Variants in PARD3B observed in about 807,000 individuals in gnomAD.
PARD3B encodes the protein par-3 family cell polarity regulator beta, also known as partitioning defective 3 homolog B.
A neutral mutation model predicts 130.2 loss-of-function variants in PARD3B; 103 were observed. The observed-to-expected ratio is 0.79, with a 90% CI of 0.67 to 0.93. PARD3B has a LOEUF of 0.93. Among genes scored for constraint, PARD3B ranks in the 40% least tolerant of loss-of-function variants. The pLI, the probability that PARD3B is intolerant of heterozygous loss-of-function variation, is 0.00. For missense variants in PARD3B, 1,609 were observed against 1,499.2 expected, an observed-to-expected ratio of 1.07 and a Z score of -1.21; for synonymous variants, 583 against 553.2, an observed-to-expected ratio of 1.05 and a Z score of -0.76.
chr2:205,438,585 A>G (rs538603711), intron 19 of PARD3B, among the ~76,000 whole-genome samples: 121 of 152,334 alleles, frequency 7.9e-4, no homozygotes, highest in Middle Eastern at 3.4e-3. Context: ...TCGAGTCTGC[A>G]CTGTCTCTGG....
At chr2:205,451,378 A>C (rs1442102514) in intron 20 of PARD3B, among the ~76,000 whole-genome samples, 2 of 152,232 alleles carry the variant, frequency 1.3e-5, no homozygotes, top group African/African-American at 4.8e-5. Context: ...TGAAAATAGA[A>C]TTTCAACTTT....
chr2:205,218,029 A>G (rs2038043690), intron 15 of PARD3B, among the ~76,000 whole-genome samples: 1 of 150,314 alleles, frequency 6.7e-6, no homozygotes, highest in Non-Finnish European at 1.5e-5. Flanking sequence ...AGTAGCTGGG[A>G]TTACAGACGT....
chr2:205,551,451 T>C (rs559815927), intron 21 of PARD3B, among the ~76,000 whole-genome samples: 10 of 152,160 alleles, frequency 6.6e-5, no homozygotes, highest in African/African-American at 2.4e-4. Context: ...CTGCAGAGAA[T>C]TCTCAATCTC....
chr2:205,377,849 C>T (rs2001527), intron 18 of PARD3B, among the ~76,000 whole-genome samples: 7,883 of 148,508 alleles, frequency 0.053, 643 homozygotes, highest in African/African-American at 0.18. Context: ...TGGCTCACTG[C>T]AACCTCCGTC....
intron 18 of PARD3B, among the ~76,000 whole-genome samples, chr2:205,379,300 T>C (rs976311373): frequency 8.5e-5 from 13 of 152,150 alleles, no homozygotes; most frequent in African/African-American, 3.1e-4. Flanking sequence ...GAGATTAATA[T>C]TGACAGGCAG....
At position 205,321,388 on chromosome 2, in the gene PARD3B, A is replaced by T. The variant is rs189365432; in HGVS notation, c.2630+19687A>T. Among the ~76,000 whole-genome samples, 1 of 152,038 alleles carries T rather than the reference A, an allele frequency of 6.6e-6. No individual in the cohort carries two copies. On this transcript the variant is annotated intron_variant, in intron 18 of 22. Transcript: ENST00000406610. This position sits in a 1 kb window ranked among gnomAD's most constrained non-coding sequence, Gnocchi z 4.2. The stretch of plus-strand genomic sequence containing the variant: ...AAAATAGCACAAAGAATTTCCTTAT[A>T]CCTTCCGCCCAGATTCCTCAGATAG...
At chr2:205,492,562 A>G (rs2049758631) in intron 20 of PARD3B, among the ~76,000 whole-genome samples, 1 of 152,194 alleles carries the variant, frequency 6.6e-6, no homozygotes, top group Non-Finnish European at 1.5e-5. Context: ...AGAAAGAAGT[A>G]TCCCCAAAGT....
intron 2 of PARD3B, among the ~76,000 whole-genome samples, chr2:204,762,742 CT>C (rs71032408): frequency 0.53 from 66,469 of 126,270 alleles, 19,628 homozygotes; most frequent in Non-Finnish European, 0.68. Flanking sequence ...GTTCATCTTT[CT>C]TTTTTCTTTT....
chr2:205,147,272 C>T (rs1024414333), intron 10 of PARD3B, among the ~76,000 whole-genome samples: 10 of 152,078 alleles, frequency 6.6e-5, no homozygotes, highest in Non-Finnish European at 1.2e-4. Flanking sequence ...AAAGAAAAAA[C>T]TTCCTTGTGT....
intron 18 of PARD3B, among the ~76,000 whole-genome samples, chr2:205,311,541 A>G (rs965208843): frequency 3.3e-5 from 5 of 152,092 alleles, no homozygotes; most frequent in Admixed American, 3.3e-4. Flanking sequence ...ACCGTCAAAT[A>G]TTACCTTTGT....
rs114602541 is a variant in PARD3B at position 204,861,270 on chromosome 2, G to A, written c.223-103882G>A. ...ATTAATTAATTTAGATGACTTTCAC[G>A]TAGTAACTTTTATCCACAAGTAATA... is the stretch of plus-strand genomic sequence containing the variant. On this transcript the variant is annotated intron_variant, in intron 2 of 22. Transcript: ENST00000406610. Among the ~76,000 whole-genome samples, 268 of 143,530 alleles carry A rather than the reference G, an allele frequency of 1.9e-3. 1 individual carries two copies. The highest frequency in any genetic ancestry group is 3.2e-3 in the Non-Finnish European group (209 of 66,150). The allele number at this position is 143,530 out of a possible 152,430, so 94.2% of individuals were successfully genotyped here.
intron 13 of PARD3B, among the ~76,000 whole-genome samples, chr2:205,178,290 G>A (rs1415761496): frequency 6.8e-6 from 1 of 147,796 alleles, no homozygotes; most frequent in Admixed American, 6.8e-5. Context: ...TACTCAGTAT[G>A]TCTTTTCTCA....
rs1574988612 is a variant in PARD3B at position 204,789,939 on chromosome 2, C to T, written c.222+103657C>T. Among the ~76,000 whole-genome samples, 4 of 151,008 alleles carry T rather than the reference C, an allele frequency of 2.6e-5. 1 individual carries two copies. Among genetic ancestry groups the T allele is most frequent in the South Asian group, 2.1e-4 (1 of 4,762 alleles). On this transcript the variant is annotated intron_variant, in intron 2 of 22. Transcript: ENST00000406610. ...AGGCTGGAGTGCAGTGGCGCGATCT[C>T]GGCTCACTGCAAGCTCCACCTCCCG...
At chr2:204,936,569 C>T (rs1688479147) in intron 2 of PARD3B, among the ~76,000 whole-genome samples, 2 of 152,020 alleles carry the variant, frequency 1.3e-5, no homozygotes, top group African/African-American at 4.8e-5. Context: ...TATTATTGTC[C>T]TACTTTTACA....
rs538745278 is a variant in PARD3B, at chr2:205,591,101, A to G, written c.3261-24355A>G. 1.3e-5 allele frequency among the ~76,000 whole-genome samples: 2 copies of G among 152,206 alleles called. No homozygotes were observed. Among genetic ancestry groups the G allele is most frequent in the South Asian group, 4.1e-4 (2 of 4,830 alleles). ...TTCCCTGAGAATGTGAATAATCCCAAGTCTAAGTCATCCAGCATTTCTCAG... is the reference window on the plus strand; with the variant it reads ...TTCCCTGAGAATGTGAATAATCCCAGGTCTAAGTCATCCAGCATTTCTCAG... On this transcript the variant is annotated intron_variant, in intron 22 of 22. Transcript: ENST00000406610. The surrounding 1 kb of genome is among the most constrained non-coding windows in gnomAD (Gnocchi z 4.2).
At chr2:205,502,228 C>A (rs1172727936) in intron 21 of PARD3B, among the ~76,000 whole-genome samples, 3 of 152,130 alleles carry the variant, frequency 2.0e-5, no homozygotes, top group Non-Finnish European at 2.9e-5. Flanking sequence ...TTGGAGAGAT[C>A]TAGGAAAGCA....
chr2:205,514,746 C>T (rs1454618315), intron 21 of PARD3B, among the ~76,000 whole-genome samples: 1 of 151,786 alleles, frequency 6.6e-6, no homozygotes, highest in African/African-American at 2.4e-5. Context: ...ACTTGGCATA[C>T]TCCAGGCTTT....
At chr2:205,221,323 T>C (rs2038226506) in intron 15 of PARD3B, among the ~76,000 whole-genome samples, 1 of 152,194 alleles carries the variant, frequency 6.6e-6, no homozygotes, top group African/African-American at 2.4e-5. Context: ...TGGTGCCCGA[T>C]GTACCACCGG....
chr2:205,090,588 G>T (rs1269223662), intron 4 of PARD3B, among the ~76,000 whole-genome samples: 1 of 152,188 alleles, frequency 6.6e-6, no homozygotes, highest in Non-Finnish European at 1.5e-5. Context: ...GGTTGGGTAA[G>T]TTGGTTTACT....
Sources: allele counts gnomAD v4.1 joint callset (sites outside exome capture counted in the v4.1 genomes callset), GRCh38; gene constraint gnomAD v4.1.1; non-coding constraint Gnocchi (gnomAD v3.1); transcripts MANE v1.5; gene names NCBI Gene and HGNC (gene_info 2026-07-23, HGNC 2026-07-21).